Variants in SEMA5A observed in about 807,000 individuals in gnomAD.
The protein encoded by SEMA5A is semaphorin 5A.
A neutral mutation model predicts 135.5 loss-of-function variants in SEMA5A; 55 were observed. That is an observed-to-expected ratio of 0.41 (90% CI 0.33 to 0.51). The LOEUF (loss-of-function observed/expected upper bound fraction) is 0.51. SEMA5A is among the 20% of genes least tolerant of loss of function. The pLI, the probability that SEMA5A is intolerant of heterozygous loss-of-function variation, is 0.37. For synonymous variants in SEMA5A, 580 were observed against 546.5 expected (o/e 1.06, Z -0.85); for missense variants, 1,290 against 1,419.9 (o/e 0.91, Z 1.47).
At chr5:9,458,956 T>C (rs894527432) in intron 1 of SEMA5A, among the ~76,000 whole-genome samples, 5 of 152,196 alleles carry the variant, frequency 3.3e-5, no homozygotes, top group Non-Finnish European at 7.3e-5. Flanking sequence ...GTAGGAAAAC[T>C]GATTCAAGTA....
At position 9,038,710 on chromosome 5, in the gene SEMA5A, A is replaced by AC. The variant is rs1010198255; in HGVS notation, c.*4186dup. ...TAGAGAGCCACTTGGGGACATAGAGACCCCCCGCTAAGACTTTGTTCTTTT... is the reference window on the plus strand; with the variant it reads ...TAGAGAGCCACTTGGGGACATAGAGACCCCCCCGCTAAGACTTTGTTCTTTT... On this transcript the variant is annotated 3_prime_UTR_variant, in exon 23 of 23. Transcript: ENST00000382496. 1.4e-5 allele frequency: 2 copies of AC among 143,042 alleles called. No homozygotes were observed. The highest frequency in any genetic ancestry group is 1.5e-5 in the Non-Finnish European group (1 of 66,156). 8.9% of individuals were successfully genotyped at this position (143,042 alleles called of 1,614,324 possible). A position where few individuals can be genotyped will look rare whatever the true frequency, so the allele number is the denominator to read the frequency against.
intron 21 of SEMA5A, among the ~76,000 whole-genome samples, chr5:9,047,085 A>G (rs946313307): frequency 6.6e-6 from 1 of 152,250 alleles, no homozygotes; most frequent in Non-Finnish European, 1.5e-5. Context: ...CTGGGACTTT[A>G]ACTGTAACAA....
At chr5:9,311,739 A>G (rs1172473859) in intron 5 of SEMA5A, among the ~76,000 whole-genome samples, 1 of 152,152 alleles carries the variant, frequency 6.6e-6, no homozygotes, top group Admixed American at 6.5e-5. Flanking sequence ...AACTTAAAGT[A>G]TAATGATAAT....
rs146879627 is a variant in SEMA5A, at chr5:9,538,813, C to T, written c.-175+6771G>A. ...TGTGCTCATCCTAGCACCCACTGGC[C>T]CTGGCGCTAAGCTTTGTACAAGTAA... On this transcript the variant is annotated intron_variant, in intron 1 of 22. Coordinates refer to ENST00000382496, the MANE Select transcript of SEMA5A (RefSeq NM_003966.3). Among the ~76,000 whole-genome samples, 811 of 152,274 alleles carry T rather than the reference C, an allele frequency of 5.3e-3. 13 individuals carry two copies. The highest frequency in any genetic ancestry group is 0.019 in the African/African-American group (769 of 41,536).
chr5:9,255,434 A>C (rs977642910), intron 5 of SEMA5A, among the ~76,000 whole-genome samples: 9 of 152,210 alleles, frequency 5.9e-5, no homozygotes, highest in African/African-American at 1.9e-4. Flanking sequence ...AATGTGCCCT[A>C]ACACAAAGAC....
At chr5:9,354,443 C>G (rs1754354888) in intron 3 of SEMA5A, among the ~76,000 whole-genome samples, 1 of 152,168 alleles carries the variant, frequency 6.6e-6, no homozygotes, top group Admixed American at 6.5e-5. Flanking sequence ...TTCAGAGACC[C>G]TTCCTGCTCT....
chr5:9,051,806 A>ATG (rs1736591943), intron 20 of SEMA5A, 67 bp downstream of exon 20: 1 of 1,592,236 alleles, frequency 6.3e-7, no homozygotes, highest in Non-Finnish European at 8.6e-7. Context: ...ACTCTGACCT[A>ATG]TGAATCATTT....
chr5:9,179,575 A>G (rs771353093), intron 11 of SEMA5A, among the ~76,000 whole-genome samples: 1 of 152,214 alleles, frequency 6.6e-6, no homozygotes, highest in Non-Finnish European at 1.5e-5. Context: ...TATTCAGAAA[A>G]CATGTTTAAA....
chr5:9,544,053 A>G (rs1304279730), intron 1 of SEMA5A, among the ~76,000 whole-genome samples: 1 of 152,188 alleles, frequency 6.6e-6, no homozygotes, highest in Non-Finnish European at 1.5e-5. Context: ...CAAATTCAGC[A>G]ATCCTAATTA....
At chr5:9,200,381 C>T (rs1025744643) in intron 9 of SEMA5A, among the ~76,000 whole-genome samples, 24 of 152,082 alleles carry the variant, frequency 1.6e-4, no homozygotes, top group Non-Finnish European at 2.5e-4. Context: ...TTTTGTTTTG[C>T]CCAGAGCCAG....
chr5:9,530,968 C>T (rs977885526), intron 1 of SEMA5A, among the ~76,000 whole-genome samples: 1 of 152,240 alleles, frequency 6.6e-6, no homozygotes, highest in Non-Finnish European at 1.5e-5. Flanking sequence ...GTACCCTCTT[C>T]ACATCTTGAG....
intron 4 of SEMA5A, among the ~76,000 whole-genome samples, chr5:9,324,069 A>T (rs1026780673): frequency 1.4e-5 from 2 of 144,418 alleles, no homozygotes; most frequent in East Asian, 2.0e-4. Context: ...ACAATATTTT[A>T]TTTTATTTTT....
intron 1 of SEMA5A, among the ~76,000 whole-genome samples, chr5:9,447,952 C>A (rs987026532): frequency 5.9e-5 from 9 of 152,200 alleles, no homozygotes; most frequent in Non-Finnish European, 1.0e-4. Flanking sequence ...TGATGCCTCT[C>A]TGCCCACTCT....
At chr5:9,068,450 G>A (rs1737592907) in intron 16 of SEMA5A, among the ~76,000 whole-genome samples, 1 of 152,160 alleles carries the variant, frequency 6.6e-6, no homozygotes, top group Admixed American at 6.5e-5. Flanking sequence ...TGGAGGAAGA[G>A]GGCAGAACTC....
At chr5:9,364,314 T>C (rs1754825274) in intron 3 of SEMA5A, among the ~76,000 whole-genome samples, 1 of 152,218 alleles carries the variant, frequency 6.6e-6, no homozygotes, top group Non-Finnish European at 1.5e-5. Flanking sequence ...ATGGTGTGAA[T>C]AATGCCTTTG....
intron 9 of SEMA5A, among the ~76,000 whole-genome samples, chr5:9,200,613 C>T (rs1806109): frequency 0.25 from 37,764 of 152,060 alleles, 4,926 homozygotes; most frequent in Middle Eastern, 0.32. Flanking sequence ...AAGATGGCCA[C>T]GGTGGAGCAA....
At chr5:9,321,224 C>T (rs1370906807) in intron 4 of SEMA5A, among the ~76,000 whole-genome samples, 2 of 152,128 alleles carry the variant, frequency 1.3e-5, no homozygotes, top group Non-Finnish European at 2.9e-5. Flanking sequence ...CTGAGCCCTC[C>T]CAGCCATGTA....
intron 1 of SEMA5A, among the ~76,000 whole-genome samples, chr5:9,454,335 A>G (rs1758754370): frequency 1.3e-5 from 2 of 152,202 alleles, no homozygotes; most frequent in Admixed American, 1.3e-4. Context: ...TTACAATCTG[A>G]AGAGCTGATT....
chr5:9,448,072 G>A (rs902419649), intron 1 of SEMA5A, among the ~76,000 whole-genome samples: 1 of 152,106 alleles, frequency 6.6e-6, no homozygotes, highest in Non-Finnish European at 1.5e-5. Context: ...CTTTTGGAGG[G>A]GCCAAGATGC....
Sources: gnomAD v4.1 joint callset for allele counts (sites outside exome capture counted in the v4.1 genomes callset) on GRCh38, gnomAD v4.1.1 for gene constraint, MANE v1.5 for transcripts, NCBI Gene and HGNC (gene_info 2026-07-23, HGNC 2026-07-21) for gene names.